The following FOXP2 variants were observed in gnomAD, a reference collection of about 807,000 sequenced individuals.
FOXP2 encodes the protein forkhead box protein P2.
A neutral mutation model predicts 115.8 loss-of-function variants in FOXP2; 12 were observed. The ratio of observed to expected loss-of-function variants is 0.10; its 90% CI spans 0.07 to 0.17. The LOEUF (loss-of-function observed/expected upper bound fraction) is 0.17, where lower values mean the gene tolerates loss of function less well. FOXP2 is among the 10% of genes least tolerant of loss of function. The pLI, the probability that FOXP2 is intolerant of heterozygous loss-of-function variation, is 1.00. For synonymous variants in FOXP2, 328 were observed against 297.7 expected (o/e 1.10, Z -1.05); for missense variants, 629 against 843.5 (o/e 0.75, Z 3.15).
chr7:114,555,653 C>T (rs964491530), intron 3 of FOXP2, among the ~76,000 whole-genome samples: 6 of 151,976 alleles, frequency 3.9e-5, no homozygotes, highest in Admixed American at 3.9e-4. Flanking sequence ...AAAAATTAGC[C>T]AGGTGTGGTG....
At chr7:114,168,707 GA>G (rs1233889721) in intron 1 of FOXP2, among the ~76,000 whole-genome samples, 1 of 152,148 alleles carries the variant, frequency 6.6e-6, no homozygotes, top group Non-Finnish European at 1.5e-5. Context: ...AGCTGAATGT[GA>G]ATCCTCAAGA....
Position 114,628,459 on chromosome 7 carries a change from A to T in FOXP2, c.259-81A>T. 3.2e-6 allele frequency: 5 copies of T among 1,561,780 alleles called. No individual in the cohort carries two copies. The South Asian group carries it at 5.6e-5, about 17-fold the overall frequency. ...ATCAATGCTAAAGAATTTATAAAAGATAACATACTATTTGTGAAGTTGATT... is the reference window on the plus strand; with the variant it reads ...ATCAATGCTAAAGAATTTATAAAAGTTAACATACTATTTGTGAAGTTGATT... On this transcript the variant is annotated intron_variant, in intron 3 of 16. Transcript: ENST00000350908.
At chr7:114,512,263 C>G (rs1798113304) in intron 2 of FOXP2, among the ~76,000 whole-genome samples, 1 of 152,170 alleles carries the variant, frequency 6.6e-6, no homozygotes, top group Non-Finnish European at 1.5e-5. Context: ...TTAAGATTCA[C>G]TAACAGGCAG....
intron 2 of FOXP2, among the ~76,000 whole-genome samples, chr7:114,493,460 C>T (rs547698914): frequency 4.1e-4 from 63 of 152,170 alleles, no homozygotes; most frequent in African/African-American, 1.5e-3. Context: ...TTATAACAAA[C>T]GTATCACTCT....
At chr7:114,675,313 T>C (rs180731862) in intron 16 of FOXP2, among the ~76,000 whole-genome samples, 2 of 152,232 alleles carry the variant, frequency 1.3e-5, no homozygotes, top group Admixed American at 1.3e-4. Context: ...AAACTTTGTC[T>C]TTGAAAAAAA....
upstream of FOXP2, chr7:114,086,393 G>T (rs1029254934): frequency 5.6e-5 from 20 of 359,164 alleles, no homozygotes; most frequent in East Asian, 2.8e-3. Context: ...CTCTAGCCCC[G>T]CGCCACCCGC....
chr7:114,440,583 C>A (rs967565604), intron 2 of FOXP2, among the ~76,000 whole-genome samples: 6 of 152,146 alleles, frequency 3.9e-5, no homozygotes, highest in African/African-American at 1.4e-4. Flanking sequence ...AAATGACCCT[C>A]TTCAATAAAA....
chr7:114,660,178 A>G (rs1043593742), intron 13 of FOXP2, among the ~76,000 whole-genome samples: 3 of 152,152 alleles, frequency 2.0e-5, no homozygotes, highest in Non-Finnish European at 4.4e-5. Context: ...TCCTGTCAGA[A>G]CATAAATGCA....
chr7:114,315,681 G>A (rs1177688673), intron 2 of FOXP2, among the ~76,000 whole-genome samples: 1 of 151,816 alleles, frequency 6.6e-6, no homozygotes, highest in Non-Finnish European at 1.5e-5. Flanking sequence ...CCGTAATTAT[G>A]TTCTGTGAAG....
intron 2 of FOXP2, among the ~76,000 whole-genome samples, chr7:114,294,925 T>C (rs1191026934): frequency 1.3e-5 from 2 of 152,054 alleles, no homozygotes; most frequent in Non-Finnish European, 2.9e-5. Context: ...CATACATACA[T>C]ACATACATAC....
intron 2 of FOXP2, among the ~76,000 whole-genome samples, chr7:114,438,071 C>T (rs937844580): frequency 6.6e-6 from 1 of 151,920 alleles, no homozygotes; most frequent in African/African-American, 2.4e-5. Context: ...ACCATTTCAC[C>T]TGTTTTTATT....
intron 1 of FOXP2, among the ~76,000 whole-genome samples, chr7:114,280,967 C>A (rs1456242477): frequency 2.6e-5 from 4 of 152,078 alleles, no homozygotes. Flanking sequence ...CTTAACCTGT[C>A]CTTAAGCATA....
chr7:114,279,698 A>T (rs1402051416), intron 1 of FOXP2, among the ~76,000 whole-genome samples: 4 of 152,156 alleles, frequency 2.6e-5, no homozygotes, highest in African/African-American at 7.2e-5. Flanking sequence ...AGGGAAATGA[A>T]AAAATGTAAT....
intron 3 of FOXP2, among the ~76,000 whole-genome samples, chr7:114,572,324 T>C (rs1293424976): frequency 6.6e-6 from 1 of 151,674 alleles, no homozygotes; most frequent in Non-Finnish European, 1.5e-5. Flanking sequence ...TGAAATTACC[T>C]GGTTTGTGGC....
At chr7:114,565,810 C>T (rs1489499719) in intron 3 of FOXP2, among the ~76,000 whole-genome samples, 1 of 152,100 alleles carries the variant, frequency 6.6e-6, no homozygotes. Flanking sequence ...TAGGCATGCA[C>T]TTACTTAGAT....
At chr7:114,637,069 G>C (rs538491744) in intron 6 of FOXP2, among the ~76,000 whole-genome samples, 1 of 152,226 alleles carries the variant, frequency 6.6e-6, no homozygotes, top group African/African-American at 2.4e-5. Context: ...TCACATCCCA[G>C]CTACTTGGGA....
chr7:114,460,357 A>G (rs186361991), intron 2 of FOXP2, among the ~76,000 whole-genome samples: 111 of 152,348 alleles, frequency 7.3e-4, no homozygotes, highest in Middle Eastern at 3.4e-3. Context: ...ATAAAGCAAT[A>G]TAAAATATTA....
At chr7:114,163,324 T>G (rs1222327424) in intron 1 of FOXP2, among the ~76,000 whole-genome samples, 2 of 152,134 alleles carry the variant, frequency 1.3e-5, no homozygotes, top group African/African-American at 4.8e-5. Context: ...TTGTATTTTC[T>G]GATAGAGAGC....
At chr7:114,654,183 T>C (rs1014636254) in intron 10 of FOXP2, 174 bp downstream of exon 10, 4 of 1,435,722 alleles carry the variant, frequency 2.8e-6, no homozygotes, top group Non-Finnish European at 1.9e-6. Context: ...AGTAATGCTA[T>C]CTTTTACAAA....
Sources: gnomAD v4.1 joint callset for allele counts (sites outside exome capture counted in the v4.1 genomes callset) on GRCh38, gnomAD v4.1.1 for gene constraint, MANE v1.5 for transcripts, NCBI Gene and HGNC (gene_info 2026-07-23, HGNC 2026-07-21) for gene names.